BCL2: variants seen among roughly 807,000 people sequenced by gnomAD.
BCL2 encodes BCL2 apoptosis regulator, also known as apoptosis regulator Bcl-2.
In BCL2, 1 loss-of-function variant was observed where a neutral mutation model predicts 14.2. The ratio of observed to expected loss-of-function variants is 0.07; its 90% CI spans 0.02 to 0.33. BCL2 has a LOEUF of 0.33. Among genes scored for constraint, BCL2 ranks in the 10% least tolerant of loss-of-function variants. The pLI is 0.99. For synonymous variants in BCL2, 151 were observed against 137.2 expected (o/e 1.10, Z -0.70); for missense variants, 247 against 305.9 (o/e 0.81, Z 1.44).
chr18:63,311,349 G>A (rs960461603), intron 2 of BCL2, among the ~76,000 whole-genome samples: 4 of 152,180 alleles, frequency 2.6e-5, no homozygotes, highest in African/African-American at 9.7e-5. Context: ...CTGATCCTTT[G>A]TTTGGTGCTT....
intron 2 of BCL2, among the ~76,000 whole-genome samples, chr18:63,236,593 A>G (rs1910837128): frequency 6.6e-6 from 1 of 152,220 alleles, no homozygotes; most frequent in South Asian, 2.1e-4. Flanking sequence ...GAACACAATG[A>G]CAGAACTCGA....
At chr18:63,131,862 A>G (rs1179784240) in intron 2 of BCL2, among the ~76,000 whole-genome samples, 2 of 152,138 alleles carry the variant, frequency 1.3e-5, no homozygotes, top group Non-Finnish European at 2.9e-5. Flanking sequence ...TCCAGCTGGC[A>G]TTTTCTCCCA....
chr18:63,305,661 C>A (rs887032677), intron 2 of BCL2, among the ~76,000 whole-genome samples: 3 of 152,066 alleles, frequency 2.0e-5, no homozygotes, highest in African/African-American at 7.2e-5. Context: ...TAATTGAATT[C>A]TTTCCTCAAA....
chr18:63,224,474 T>C (rs1910491543), intron 2 of BCL2, among the ~76,000 whole-genome samples: 1 of 152,096 alleles, frequency 6.6e-6, no homozygotes, highest in Non-Finnish European at 1.5e-5. Context: ...GATAGCAACA[T>C]TGGGAGATTG....
rs1174000690 is a variant in BCL2, at chr18:63,127,609, C to T, written c.*1016G>A. ...GGCCAGTGAGGGCCCCGGCTCAGTT[C>T]CAGGACCAGGCCTCCAAGCTGGGAC... On this transcript the variant is annotated 3_prime_UTR_variant, in exon 3 of 3. Transcript: ENST00000333681. 8.7e-6 allele frequency: 2 copies of T among 231,008 alleles called. No individual in the cohort carries two copies. Among genetic ancestry groups the T allele is most frequent in the Admixed American group, 5.7e-5 (1 of 17,668 alleles). 14.3% of individuals were successfully genotyped at this position (231,008 alleles called of 1,614,324 possible).
At chr18:63,294,880 G>A (rs1428899602) in intron 2 of BCL2, among the ~76,000 whole-genome samples, 1 of 151,944 alleles carries the variant, frequency 6.6e-6, no homozygotes, top group Non-Finnish European at 1.5e-5. Flanking sequence ...TTATAATTTG[G>A]CTGAGTTCGG....
intron 2 of BCL2, among the ~76,000 whole-genome samples, chr18:63,156,014 T>A (rs1914771491): frequency 6.9e-6 from 1 of 145,582 alleles, no homozygotes; most frequent in Non-Finnish European, 1.5e-5. Context: ...CTTGAGGGCA[T>A]TTCTCAAGTA....
intron 2 of BCL2, among the ~76,000 whole-genome samples, chr18:63,279,818 A>G (rs1266085611): frequency 6.6e-6 from 1 of 152,226 alleles, no homozygotes; most frequent in Non-Finnish European, 1.5e-5. Flanking sequence ...CATACACTAC[A>G]ATTTCATCTA....
chr18:63,198,465 C>T (rs1467526233), intron 2 of BCL2, among the ~76,000 whole-genome samples: 1 of 150,714 alleles, frequency 6.6e-6, no homozygotes, highest in African/African-American at 2.4e-5. Flanking sequence ...GAGACACACA[C>T]AGACACACAC....
intron 2 of BCL2, among the ~76,000 whole-genome samples, chr18:63,215,679 T>C (rs934986377): frequency 2.0e-5 from 3 of 152,012 alleles, no homozygotes; most frequent in African/African-American, 7.2e-5. Context: ...AAGTGAAAAA[T>C]GAAAGCAAGT....
At chr18:63,279,007 G>A (rs560663395) in intron 2 of BCL2, among the ~76,000 whole-genome samples, 22 of 152,236 alleles carry the variant, frequency 1.4e-4, no homozygotes, top group African/African-American at 4.3e-4. Flanking sequence ...AAGGAAACAC[G>A]CCCCTCCCAA....
At chr18:63,296,770 A>G (rs1237242605) in intron 2 of BCL2, among the ~76,000 whole-genome samples, 2 of 152,232 alleles carry the variant, frequency 1.3e-5, no homozygotes, top group African/African-American at 2.4e-5. Flanking sequence ...ATGAACTTTA[A>G]AAAGGGCTAC....
At chr18:63,230,175 C>A (rs1229650243) in intron 2 of BCL2, among the ~76,000 whole-genome samples, 2 of 152,098 alleles carry the variant, frequency 1.3e-5, no homozygotes, top group Non-Finnish European at 2.9e-5. Flanking sequence ...CCACATTCTT[C>A]AACCAAAATA....
chr18:63,236,855 C>A lies in BCL2; in HGVS notation c.585+81227G>T, dbSNP rs182222026. On this transcript the variant is annotated intron_variant, in intron 2 of 2. Transcript: ENST00000333681. ...ATCTTGTCCGGGACAGGTCCCTTTT[C>A]TGCTCTGGGCTCTTCTTGTTTAAAA... Among the ~76,000 whole-genome samples, 275 of 152,320 alleles carry A rather than the reference C, an allele frequency of 1.8e-3. 3 individuals carry two copies. The highest frequency in any genetic ancestry group is 6.3e-3 in the African/African-American group (260 of 41,572).
rs539799550 is a variant in BCL2, at chr18:63,218,848, T to G, written c.586-90089A>C. 6.2e-5 allele frequency among the ~76,000 whole-genome samples: 7 copies of G among 113,136 alleles called. No homozygotes were observed. The East Asian group carries it at 1.9e-3, about 30-fold the overall frequency. 74.2% of individuals were successfully genotyped at this position (113,136 alleles called of 152,430 possible). A position where few individuals can be genotyped will look rare whatever the true frequency, so the allele number is the denominator to read the frequency against. On this transcript the variant is annotated intron_variant, in intron 2 of 2. Coordinates refer to ENST00000333681, the MANE Select transcript of BCL2 (RefSeq NM_000633.3). The stretch of plus-strand genomic sequence containing the variant: ...CCACTCTGTCCCTTGGGATTGTGTT[T>G]GGTTGTTCTCTCCACCTTGGCCCTT...
At chr18:63,266,669 AT>A (rs1911841851) in intron 2 of BCL2, among the ~76,000 whole-genome samples, 4 of 151,430 alleles carry the variant, frequency 2.6e-5, no homozygotes, top group Admixed American at 6.6e-5. Context: ...AAATATATAT[AT>A]TTATACTACA....
intron 2 of BCL2, among the ~76,000 whole-genome samples, chr18:63,250,038 A>G (rs1000755646): frequency 1.6e-4 from 24 of 152,166 alleles, no homozygotes; most frequent in Non-Finnish European, 7.4e-5. Context: ...GAAGCCCAAG[A>G]CCACACAGTA....
In BCL2 at chr18:63,127,761, T is replaced by A. The variant is rs1913949037; in HGVS notation, c.*864A>T. 8.9e-6 allele frequency: 2 copies of A among 225,372 alleles called. No individual in the cohort carries two copies. The highest frequency in any genetic ancestry group is 1.8e-5 in the Non-Finnish European group (2 of 112,928). The allele number at this position is 225,372 out of a possible 1,614,324, so 14.0% of individuals were successfully genotyped here. On this transcript the variant is annotated 3_prime_UTR_variant, in exon 3 of 3. Coordinates refer to ENST00000333681, the MANE Select transcript of BCL2 (RefSeq NM_000633.3). Reference sequence around the variant, plus strand: ...GTTCACTTCCTCAAGTTCCAGAGGATTCTGTTTCTTACTCAGACAGAGCCA... The same window carrying A: ...GTTCACTTCCTCAAGTTCCAGAGGAATCTGTTTCTTACTCAGACAGAGCCA...
intron 2 of BCL2, chr18:63,302,723 G>C (rs1227780515): frequency 1.0e-6 from 1 of 985,236 alleles, no homozygotes; most frequent in Non-Finnish European, 1.2e-6. Context: ...GGAAAAAGAG[G>C]TTTAGTAAGG....
Sources: gnomAD v4.1 joint callset for allele counts (sites outside exome capture counted in the v4.1 genomes callset) on GRCh38, gnomAD v4.1.1 for gene constraint, MANE v1.5 for transcripts, NCBI Gene and HGNC (gene_info 2026-07-23, HGNC 2026-07-21) for gene names.